The following SIPA1L1 variants were observed in gnomAD, a reference collection of about 807,000 sequenced individuals.
SIPA1L1 encodes signal-induced proliferation-associated 1-like protein 1.
Under a neutral mutation model 162.7 loss-of-function variants are expected in SIPA1L1, and 26 were observed. The observed-to-expected ratio is 0.16, with a 90% CI of 0.12 to 0.22. The LOEUF is 0.22. SIPA1L1 is among the 10% of genes least tolerant of loss of function. SIPA1L1 has a pLI of 1.00. For missense variants in SIPA1L1, 1,874 were observed against 2,241.0 expected (o/e 0.84, Z 3.31); for synonymous variants, 829 against 837.4 (o/e 0.99, Z 0.17).
intron 4 of SIPA1L1, among the ~76,000 whole-genome samples, chr14:71,584,317 T>C (rs926853070): frequency 1.3e-5 from 2 of 152,216 alleles, no homozygotes; most frequent in Non-Finnish European, 2.9e-5. Flanking sequence ...CATAAGAGGT[T>C]CTGCTTTCAG....
intron 2 of SIPA1L1, among the ~76,000 whole-genome samples, chr14:71,353,939 T>G (rs1278020117): frequency 6.6e-6 from 1 of 151,974 alleles, no homozygotes; most frequent in Non-Finnish European, 1.5e-5. Flanking sequence ...CAGCATTTTA[T>G]AAAGAAAGGC....
rs1432054656 is a variant in SIPA1L1 at position 71,709,356 on chromosome 14, C to T, written c.3900C>T (p.Gly1300=). 2 of 1,614,128 alleles carry T rather than the reference C, an allele frequency of 1.2e-6. No individual in the cohort carries two copies. The highest frequency in any genetic ancestry group is 2.7e-5 in the African/African-American group (2 of 74,954). Residue 1300 remains glycine, a synonymous_variant, in exon 17 of 24, where the codon GGC becomes GGT. Transcript: ENST00000381232. ...TCAACAGCTATAACTATCTGCAAGGCACCTCTGCTGACAGTGGCATTGACA... is the reference window on the plus strand; with the variant it reads ...TCAACAGCTATAACTATCTGCAAGGTACCTCTGCTGACAGTGGCATTGACA... ...SELNSYNYLQ[G]TSADSGIDTT... is the part of the protein sequence containing the mutation.
chr14:71,590,848 T>A (rs1019304930), intron 5 of SIPA1L1, among the ~76,000 whole-genome samples: 1 of 152,168 alleles, frequency 6.6e-6, no homozygotes, highest in African/African-American at 2.4e-5. Flanking sequence ...CTGTCCTGTG[T>A]ATTGTAGGAT....
In SIPA1L1 at chr14:71,421,725, A is replaced by G. The variant is rs762539730; in HGVS notation, c.-464-91018A>G. On this transcript the variant is annotated intron_variant, in intron 2 of 23. Coordinates refer to ENST00000381232, the MANE Select transcript of SIPA1L1 (RefSeq NM_001386936.1). Reference sequence around the variant, plus strand: ...CCTTTCTTCCTTTCTTTTTTATTCCAGTAGCTGTTATGGTTGGATATAATA... The same window carrying G: ...CCTTTCTTCCTTTCTTTTTTATTCCGGTAGCTGTTATGGTTGGATATAATA... 1.1e-4 allele frequency among the ~76,000 whole-genome samples: 16 copies of G among 151,960 alleles called. No individual in the cohort carries two copies. The Middle Eastern group carries it at 0.014, about 129-fold the overall frequency.
intron 4 of SIPA1L1, among the ~76,000 whole-genome samples, chr14:71,556,257 G>C (rs189727535): frequency 6.6e-6 from 1 of 152,254 alleles, no homozygotes; most frequent in Non-Finnish European, 1.5e-5. Flanking sequence ...CTCAAACCGT[G>C]TCTTTCCTCT....
intron 16 of SIPA1L1, among the ~76,000 whole-genome samples, chr14:71,707,162 TCCTTC>T (rs1057327736): frequency 1.1e-4 from 16 of 151,528 alleles, no homozygotes; most frequent in African/African-American, 3.4e-4. Context: ...CACACACAGT[TCCTTC>T]TCTTCTCTTT....
chr14:71,560,016 G>A (rs1439909939), intron 4 of SIPA1L1, among the ~76,000 whole-genome samples: 1 of 152,046 alleles, frequency 6.6e-6, no homozygotes, highest in Admixed American at 6.6e-5. Flanking sequence ...TATTGTAACT[G>A]AATTTAAAGA....
At chr14:71,505,508 C>CT (rs2050592259) in intron 2 of SIPA1L1, among the ~76,000 whole-genome samples, 1 of 148,068 alleles carries the variant, frequency 6.8e-6, no homozygotes, top group South Asian at 2.1e-4. Context: ...TTTGTTTCAT[C>CT]TACTTTATTA....
chr14:71,645,958 G>A (rs918530194), intron 7 of SIPA1L1, among the ~76,000 whole-genome samples: 12 of 152,160 alleles, frequency 7.9e-5, no homozygotes, highest in African/African-American at 2.9e-4. Context: ...TCATAAGAAT[G>A]TAAGAATTGA....
chr14:71,639,759 G>C (rs2041519295), intron 7 of SIPA1L1, among the ~76,000 whole-genome samples: 1 of 152,190 alleles, frequency 6.6e-6, no homozygotes, highest in African/African-American at 2.4e-5. Flanking sequence ...AGAGAAACCA[G>C]AAATAGCCCC....
Position 71,624,032 on chromosome 14 carries a change from C to T in SIPA1L1, c.1630-16C>T. 2.5e-6 allele frequency: 4 copies of T among 1,582,288 alleles called. No homozygotes were observed. The highest frequency in any genetic ancestry group is 3.4e-6 in the Non-Finnish European group (4 of 1,162,368). The stretch of plus-strand genomic sequence containing the variant: ...ACATCCCAGAAGCCTCACCACAGCA[C>T]CTGTCTCTCTTGCAGCTCATGACAC... On this transcript the variant is annotated splice_polypyrimidine_tract_variant and intron_variant, in intron 6 of 23. Transcript: ENST00000381232.
intron 7 of SIPA1L1, among the ~76,000 whole-genome samples, chr14:71,633,132 G>A (rs996472775): frequency 7.5e-6 from 1 of 132,588 alleles, no homozygotes; most frequent in Non-Finnish European, 1.6e-5. Context: ...GTTATGTTAT[G>A]TTATGTTATG....
chr14:71,569,581 A>G (rs1393633278), intron 4 of SIPA1L1, among the ~76,000 whole-genome samples: 1 of 152,222 alleles, frequency 6.6e-6, no homozygotes, highest in Non-Finnish European at 1.5e-5. Flanking sequence ...GTCCCCCAGT[A>G]TAGAAGGGGA....
At chr14:71,491,813 C>CACACACACAT (rs1555437273) in intron 2 of SIPA1L1, among the ~76,000 whole-genome samples, 1 of 147,790 alleles carries the variant, frequency 6.8e-6, no homozygotes, top group Non-Finnish European at 1.5e-5. Context: ...CACACACACA[C>CACACACACAT]CCCTTCCCCC....
At chr14:71,514,329 G>A (rs1046576969) in intron 3 of SIPA1L1, among the ~76,000 whole-genome samples, 9 of 152,166 alleles carry the variant, frequency 5.9e-5, no homozygotes, top group Non-Finnish European at 8.8e-5. Flanking sequence ...AGCATGTGCA[G>A]TGTGTTTACT....
chr14:71,579,186 T>C (rs1427227848), intron 4 of SIPA1L1, among the ~76,000 whole-genome samples: 1 of 152,260 alleles, frequency 6.6e-6, no homozygotes, highest in African/African-American at 2.4e-5. Flanking sequence ...TGATACATTT[T>C]AGCTCCTTAA....
intron 2 of SIPA1L1, among the ~76,000 whole-genome samples, chr14:71,471,134 G>A (rs983708075): frequency 6.6e-5 from 10 of 151,744 alleles, no homozygotes; most frequent in East Asian, 3.9e-4. Flanking sequence ...GTGAGCCTCC[G>A]CACCCGGCCT....
rs540655791 is a variant in SIPA1L1, at chr14:71,640,929, T to C, written c.1819-9406T>C. 4.6e-5 allele frequency among the ~76,000 whole-genome samples: 7 copies of C among 152,244 alleles called. No individual in the cohort carries two copies. In the East Asian group the frequency reaches 1.2e-3, roughly 25 times the overall value. On this transcript the variant is annotated intron_variant, in intron 7 of 23. Transcript: ENST00000381232. Reference sequence around the variant, plus strand: ...CATGAGCCACCACACCCAGCCTATATTGAAACTCTAAAACTAAAAAACCCC... The same window carrying C: ...CATGAGCCACCACACCCAGCCTATACTGAAACTCTAAAACTAAAAAACCCC...
rs373379149 is a variant in SIPA1L1, at chr14:71,685,376, C to G, written c.3119C>G (p.Thr1040Ser). The G allele has an allele frequency of 3.9e-5, 63 of 1,614,014 alleles. No homozygotes were observed. Among genetic ancestry groups the G allele is most frequent in the Non-Finnish European group, 5.1e-5 (60 of 1,180,024 alleles). Reference sequence around the variant, plus strand: ...GCCCCTAATAGGAGTTGCTCTGAAACCTACCGCATGCCAGTGATGGAGTAC... The same window carrying G: ...GCCCCTAATAGGAGTTGCTCTGAAAGCTACCGCATGCCAGTGATGGAGTAC... Reference protein sequence around the residue: ...DCTPRRSCSETYRMPVMEYKM... With the variant: ...DCTPRRSCSESYRMPVMEYKM... Residue 1040 changes from threonine to serine, a missense_variant, in exon 13 of 24, where the codon ACC (threonine) becomes AGC (serine). By Grantham distance (58) the Thr-to-Ser change is moderately conservative. Transcript: ENST00000381232.
Sources: allele counts gnomAD v4.1 joint callset (sites outside exome capture counted in the v4.1 genomes callset), GRCh38; gene constraint gnomAD v4.1.1; transcripts MANE v1.5; gene names NCBI Gene and HGNC (gene_info 2026-07-23, HGNC 2026-07-21).